The following ARHGAP10 variants were observed in gnomAD, a reference collection of about 807,000 sequenced individuals.
The protein encoded by ARHGAP10 is Rho GTPase activating protein 10.
Under a neutral mutation model 108.6 loss-of-function variants are expected in ARHGAP10, and 87 were observed. The observed-to-expected ratio is 0.80, with a 90% CI of 0.67 to 0.96. The LOEUF is 0.96. ARHGAP10 is among the 40% of genes least tolerant of loss of function. The pLI is 0.00. For missense variants in ARHGAP10, 939 were observed against 954.5 expected, an observed-to-expected ratio of 0.98 and a Z score of 0.21; for synonymous variants, 347 against 341.1, an observed-to-expected ratio of 1.02 and a Z score of -0.19.
chr4:147,899,401 T>C (rs2126897890), intron 10 of ARHGAP10, among the ~76,000 whole-genome samples: 1 of 152,200 alleles, frequency 6.6e-6, no homozygotes, highest in African/African-American at 2.4e-5. Flanking sequence ...TGTCACTCTT[T>C]GGATTTTCAT....
intron 1 of ARHGAP10, among the ~76,000 whole-genome samples, chr4:147,741,757 T>C (rs965659581): frequency 2.0e-5 from 3 of 147,146 alleles, no homozygotes; most frequent in Non-Finnish European, 3.0e-5. Context: ...CATCTTGATA[T>C]CGTTCTCTTT....
chr4:148,046,703 A>G (rs1247987014), intron 19 of ARHGAP10, among the ~76,000 whole-genome samples, 189 bp from the exon 20 acceptor site: 1 of 152,106 alleles, frequency 6.6e-6, no homozygotes, highest in Admixed American at 6.5e-5. Flanking sequence ...GCTGTGTATT[A>G]TCTGTGGTTT....
At chr4:147,975,683 A>G (rs1739566543) in intron 18 of ARHGAP10, among the ~76,000 whole-genome samples, 1 of 152,190 alleles carries the variant, frequency 6.6e-6, no homozygotes, top group South Asian at 2.1e-4. Context: ...CTGAGATAAC[A>G]TGAATCCATT....
chr4:147,905,216 T>C (rs1736433921), intron 10 of ARHGAP10, among the ~76,000 whole-genome samples: 1 of 152,162 alleles, frequency 6.6e-6, no homozygotes, highest in Non-Finnish European at 1.5e-5. Flanking sequence ...TCTTTTGCTG[T>C]GCAGAAGCTC....
chr4:147,768,224 T>G (rs1203536583), intron 1 of ARHGAP10, among the ~76,000 whole-genome samples: 1 of 152,226 alleles, frequency 6.6e-6, no homozygotes, highest in Non-Finnish European at 1.5e-5. Flanking sequence ...TCTTCCTCTC[T>G]GGGCCCTCCC....
In ARHGAP10 at chr4:147,786,469, A is replaced by G. The variant is rs146109762; in HGVS notation, c.155-36258A>G. 5.6e-4 allele frequency among the ~76,000 whole-genome samples: 85 copies of G among 152,048 alleles called. 1 individual carries two copies. In the East Asian group the frequency reaches 0.015, roughly 28 times the overall value. ...GTGAGTCTCAAAATCTGTAGGAAGG[A>G]TTTTCTTTTTCCGCTTTTTCATTGA... On this transcript the variant is annotated intron_variant, in intron 1 of 22. Transcript: ENST00000336498.
intron 1 of ARHGAP10, among the ~76,000 whole-genome samples, chr4:147,744,611 T>C (rs975267900): frequency 5.9e-5 from 9 of 151,764 alleles, no homozygotes; most frequent in Non-Finnish European, 7.4e-5. Flanking sequence ...GAGTCAAGAC[T>C]TAGCAGCTGC....
chr4:148,031,493 G>A (rs1349690148), intron 19 of ARHGAP10, among the ~76,000 whole-genome samples: 1 of 152,142 alleles, frequency 6.6e-6, no homozygotes, highest in African/African-American at 2.4e-5. Flanking sequence ...TGGAACCCAG[G>A]CAGTCTGATT....
At chr4:147,904,046 G>A (rs1183100946) in intron 10 of ARHGAP10, among the ~76,000 whole-genome samples, 1 of 152,146 alleles carries the variant, frequency 6.6e-6, no homozygotes, top group East Asian at 1.9e-4. Context: ...ACCAGACTTT[G>A]AAAGTGTACC....
chr4:148,069,813 C>G (rs1730077038), intron 22 of ARHGAP10, among the ~76,000 whole-genome samples: 1 of 152,196 alleles, frequency 6.6e-6, no homozygotes, highest in Non-Finnish European at 1.5e-5. Flanking sequence ...CCCCTTGCCA[C>G]TCAGGCCCCC....
At chr4:147,932,872 C>T (rs773502322) in intron 13 of ARHGAP10, among the ~76,000 whole-genome samples, 1 of 152,192 alleles carries the variant, frequency 6.6e-6, no homozygotes, top group Non-Finnish European at 1.5e-5. Flanking sequence ...TAGAATATTA[C>T]ATCTCCAGGC....
intron 3 of ARHGAP10, among the ~76,000 whole-genome samples, chr4:147,830,708 C>T (rs145270238): frequency 1.6e-4 from 24 of 152,028 alleles, no homozygotes; most frequent in African/African-American, 4.6e-4. Context: ...TTAGTAGAGA[C>T]GGGGTTTCAC....
At chr4:147,787,411 T>G in intron 1 of ARHGAP10, among the ~76,000 whole-genome samples, 1 of 149,664 alleles carries the variant, frequency 6.7e-6, no homozygotes. Flanking sequence ...CTCATGAAGG[T>G]GAAAATGAAT....
chr4:147,902,726 G>A (rs1292137459), intron 10 of ARHGAP10, among the ~76,000 whole-genome samples: 4 of 152,104 alleles, frequency 2.6e-5, no homozygotes, highest in Non-Finnish European at 5.9e-5. Flanking sequence ...GGGAGACAGA[G>A]CGAAACTCCA....
At chr4:147,990,414 C>T (rs1740221878) in intron 18 of ARHGAP10, among the ~76,000 whole-genome samples, 1 of 152,170 alleles carries the variant, frequency 6.6e-6, no homozygotes, top group Admixed American at 6.5e-5. Flanking sequence ...AGTTCTAGTT[C>T]TGCTAGACTT....
At chr4:147,844,541 G>A (rs942690820) in intron 3 of ARHGAP10, among the ~76,000 whole-genome samples, 1 of 152,046 alleles carries the variant, frequency 6.6e-6, no homozygotes, top group African/African-American at 2.4e-5. Flanking sequence ...GAGTTCAATT[G>A]TTTTGATTTT....
Position 148,046,949 on chromosome 4 carries a change from C to T in ARHGAP10, c.1925C>T (p.Ser642Phe), listed in dbSNP as rs1447375535. 2.7e-5 allele frequency: 44 copies of T among 1,614,066 alleles called. No individual in the cohort carries two copies. Among genetic ancestry groups the T allele is most frequent in the Non-Finnish European group, 3.6e-5 (43 of 1,180,024 alleles). Residue 642 changes from serine (S) to phenylalanine (F), a missense_variant, in exon 20 of 23, where the codon TCC (serine) becomes TTC (phenylalanine). Physicochemically the swap from Ser to Phe is radical, Grantham distance 155. Transcript: ENST00000336498. ...CCTACCAGCAGTCTGGACTCACTTT[C>T]CTCCCCGTCTCCCGTGACTACAGCT... ...DTPTSSLDSL[S>F]SPSPVTTAVP...
intron 17 of ARHGAP10, among the ~76,000 whole-genome samples, 178 bp from the exon 18 acceptor site, chr4:147,966,502 T>C (rs1739206800): frequency 6.6e-6 from 1 of 151,958 alleles, no homozygotes; most frequent in Admixed American, 6.6e-5. Flanking sequence ...AGTAAAGGAG[T>C]AGGCAGGAGC....
At chr4:148,062,484 A>G (rs930509362) in intron 20 of ARHGAP10, among the ~76,000 whole-genome samples, 3 of 152,228 alleles carry the variant, frequency 2.0e-5, no homozygotes, top group African/African-American at 2.4e-5. Flanking sequence ...GAGGTCACTG[A>G]AGAGTAATTC....
Sources: gnomAD v4.1 joint callset for allele counts (sites outside exome capture counted in the v4.1 genomes callset) on GRCh38, gnomAD v4.1.1 for gene constraint, MANE v1.5 for transcripts, NCBI Gene and HGNC (gene_info 2026-07-23, HGNC 2026-07-21) for gene names.